Variants in TSPAN9 observed in about 807,000 individuals in gnomAD.
TSPAN9 encodes the protein tetraspanin 9, also known as tetraspanin-9.
A neutral mutation model predicts 31.0 loss-of-function variants in TSPAN9; 16 were observed. The ratio of observed to expected loss-of-function variants is 0.52; its 90% CI spans 0.35 to 0.78. The LOEUF (loss-of-function observed/expected upper bound fraction) is 0.78, where lower values mean the gene tolerates loss of function less well. Ranked by LOEUF, TSPAN9 falls within the 30% of genes least tolerant of loss-of-function variation. TSPAN9 has a pLI of 0.01. For missense variants in TSPAN9, 272 were observed against 312.5 expected, an observed-to-expected ratio of 0.87 and a Z score of 0.98; for synonymous variants, 145 against 121.6, an observed-to-expected ratio of 1.19 and a Z score of -1.27.
intron 3 of TSPAN9, among the ~76,000 whole-genome samples, chr12:3,235,864 G>C (rs1367685756): frequency 6.6e-6 from 1 of 152,228 alleles, no homozygotes; most frequent in Non-Finnish European, 1.5e-5. Flanking sequence ...TGGGGGCTTT[G>C]GCCTAGCTTG....
chr12:3,189,990 C>T (rs1242792199), intron 2 of TSPAN9, among the ~76,000 whole-genome samples: 1 of 152,210 alleles, frequency 6.6e-6, no homozygotes, highest in Non-Finnish European at 1.5e-5. Context: ...GTGGAACATG[C>T]ACAGGCTCCC....
At chr12:3,251,268 G>T (rs11835727) in intron 3 of TSPAN9, among the ~76,000 whole-genome samples, 8 of 152,144 alleles carry the variant, frequency 5.3e-5, no homozygotes, top group Non-Finnish European at 1.2e-4. Flanking sequence ...GCTGTGTGCC[G>T]CAGGCTGTTC....
intron 3 of TSPAN9, 132 bp downstream of exon 3, chr12:3,201,388 A>C (rs2098371704): frequency 1.2e-6 from 1 of 857,642 alleles, no homozygotes. Flanking sequence ...CTTTTAAAAA[A>C]AAATTGCCCC....
intron 3 of TSPAN9, among the ~76,000 whole-genome samples, chr12:3,240,154 C>CCATTCCTTTA (rs764208965): frequency 1.7e-4 from 26 of 152,124 alleles, no homozygotes; most frequent in Non-Finnish European, 3.1e-4. Flanking sequence ...ATTTCCTCTA[C>CCATTCCTTTA]TTTCACCCCC....
intron 1 of TSPAN9, among the ~76,000 whole-genome samples, chr12:3,077,876 C>A (rs112224683): frequency 2.0e-5 from 3 of 152,176 alleles, no homozygotes; most frequent in Non-Finnish European, 4.4e-5. Context: ...TGGCCTGCAG[C>A]CCCCCGGCAC....
rs1359969500 is a variant in TSPAN9, at chr12:3,147,644, G to A, written c.-17-53533G>A. 1.3e-5 allele frequency among the ~76,000 whole-genome samples: 2 copies of A among 152,218 alleles called. No homozygotes were observed. The highest frequency in any genetic ancestry group is 2.4e-5 in the African/African-American group (1 of 41,454). ...CAGTAGCCACCGGCTACATGTGGCC[G>A]TTGAGCATTGAAAATGGGACTGAAA... On this transcript the variant is annotated intron_variant, in intron 2 of 8. Coordinates refer to ENST00000011898, the MANE Select transcript of TSPAN9 (RefSeq NM_006675.5). The surrounding 1 kb of genome is among the most constrained non-coding windows in gnomAD (Gnocchi z 4.3).
chr12:3,242,792 TG>T (rs1312044820), intron 3 of TSPAN9, among the ~76,000 whole-genome samples: 1 of 152,246 alleles, frequency 6.6e-6, no homozygotes, highest in Non-Finnish European at 1.5e-5. Context: ...AGCCACCTGC[TG>T]ATCTCCCAAG....
chr12:3,137,565 C>T (rs1032253402), intron 2 of TSPAN9, among the ~76,000 whole-genome samples: 2 of 152,176 alleles, frequency 1.3e-5, no homozygotes, highest in Non-Finnish European at 2.9e-5. Context: ...CCCTGGGTTG[C>T]AGTTCAAAGG....
At chr12:3,254,968 CAG>C (rs1039792072) in intron 3 of TSPAN9, among the ~76,000 whole-genome samples, 14 of 152,144 alleles carry the variant, frequency 9.2e-5, no homozygotes, top group African/African-American at 3.1e-4. Context: ...TTCCAGGGGA[CAG>C]GGGAGAGGCT....
intron 2 of TSPAN9, among the ~76,000 whole-genome samples, chr12:3,180,482 GAAA>G (rs11322656): frequency 8.1e-4 from 116 of 143,792 alleles, no homozygotes; most frequent in African/African-American, 2.9e-3. Flanking sequence ...GTATCTAAAA[GAAA>G]AAAAAAAAAG....
chr12:3,184,058 A>T (rs1208843713), intron 2 of TSPAN9, among the ~76,000 whole-genome samples: 1 of 152,126 alleles, frequency 6.6e-6, no homozygotes, highest in South Asian at 2.1e-4. Flanking sequence ...AAGTAGACCA[A>T]ATGATCTCTG....
chr12:3,207,198 A>G (rs905316391), intron 3 of TSPAN9, among the ~76,000 whole-genome samples: 1 of 151,836 alleles, frequency 6.6e-6, no homozygotes, highest in Non-Finnish European at 1.5e-5. Context: ...TTTTTCTGGC[A>G]GAGACCACCG....
intron 3 of TSPAN9, among the ~76,000 whole-genome samples, chr12:3,233,011 C>G (rs935998896): frequency 1.3e-5 from 2 of 152,226 alleles, no homozygotes; most frequent in Non-Finnish European, 2.9e-5. Context: ...TCTACATACT[C>G]TCTATTCCTT....
At position 3,120,424 on chromosome 12, in the gene TSPAN9, C is replaced by T. The variant is rs576190463; in HGVS notation, c.-18+36705C>T. On this transcript the variant is annotated intron_variant, in intron 2 of 8. Transcript: ENST00000011898. ...GGGACCCTTGTGCCACCAGCAGCCA[C>T]AGCCTTCCCCTGGAGCCTGCTCTCC... is the stretch of plus-strand genomic sequence containing the variant. 1.7e-4 allele frequency among the ~76,000 whole-genome samples: 26 copies of T among 152,332 alleles called. No individual in the cohort carries two copies. The East Asian group carries it at 4.6e-3, about 27-fold the overall frequency.
chr12:3,125,211 A>T (rs2098326790), intron 2 of TSPAN9: 2 of 148,476 alleles, frequency 1.3e-5, no homozygotes, highest in Admixed American at 1.4e-4. Context: ...ATTATTAGTG[A>T]TTTTTTTTTT....
At chr12:3,174,835 G>C (rs12826203) in intron 2 of TSPAN9, among the ~76,000 whole-genome samples, 1 of 151,658 alleles carries the variant, frequency 6.6e-6, no homozygotes, top group African/African-American at 2.4e-5. Flanking sequence ...TCCCGCCTCG[G>C]CCTCCCAAAG....
intron 3 of TSPAN9, among the ~76,000 whole-genome samples, chr12:3,269,060 C>CT (rs1162968803): frequency 1.2e-4 from 10 of 80,728 alleles, no homozygotes; most frequent in East Asian, 5.5e-4. Context: ...AGCCTGCCCT[C>CT]CGTGCGTTCC....
At chr12:3,150,220 C>A (rs79897821) in intron 2 of TSPAN9, among the ~76,000 whole-genome samples, 2,168 of 152,354 alleles carry the variant, frequency 0.014, 49 homozygotes, top group African/African-American at 0.049. Flanking sequence ...TTCCGCCCCT[C>A]TGCCAGTTAT....
chr12:3,240,521 A>T (rs1591699381), intron 3 of TSPAN9, among the ~76,000 whole-genome samples: 1 of 152,180 alleles, frequency 6.6e-6, no homozygotes, highest in African/African-American at 2.4e-5. Context: ...GACGTGCTCG[A>T]GCTCACACAG....
Sources: gnomAD v4.1 joint callset for allele counts (sites outside exome capture counted in the v4.1 genomes callset) on GRCh38, gnomAD v4.1.1 for gene constraint, Gnocchi (gnomAD v3.1) non-coding constraint, MANE v1.5 for transcripts, NCBI Gene and HGNC (gene_info 2026-07-23, HGNC 2026-07-21) for gene names.